ANKRD24: variants seen among roughly 807,000 people sequenced by gnomAD.
ANKRD24 encodes ankyrin repeat domain 24.
ANKRD24 carries 109 observed loss-of-function variants against 127.8 expected under a neutral mutation model. The observed-to-expected ratio is 0.85, with a 90% CI of 0.73 to 1.00. The LOEUF is 1.00. Ranked by LOEUF, ANKRD24 falls within the 50% of genes least tolerant of loss-of-function variation. The pLI is 0.00. For synonymous variants in ANKRD24, 743 were observed against 671.1 expected, an observed-to-expected ratio of 1.11 and a Z score of -1.66; for missense variants, 1,648 against 1,570.2, an observed-to-expected ratio of 1.05 and a Z score of -0.84.
At position 4,208,773 on chromosome 19, in the gene ANKRD24, A is replaced by C. The variant is rs1969534304; in HGVS notation, c.842A>C (p.Glu281Ala). 17 of 1,613,070 alleles carry C rather than the reference A, an allele frequency of 1.1e-5. No individual in the cohort carries two copies. Among genetic ancestry groups the C allele is most frequent in the African/African-American group, 2.7e-5 (2 of 74,894 alleles). The change falls in exon 11 of 22, where the codon GAG becomes GCG. Residue 281 changes from glutamate to alanine, a missense_variant. Glu to Ala is a moderately radical substitution (Grantham distance 107). Transcript: ENST00000318934. ...TTCCCTCTCTCCCCAGCCCTCACAG[A>C]GGATGATTCAGGCGAGGCGTCATCT... ...QRPSPPSALT[E>A]DDSGEASSQN...
intron 20 of ANKRD24, among the ~76,000 whole-genome samples, chr19:4,223,887 C>G (rs149572801): frequency 6.6e-6 from 1 of 151,842 alleles, no homozygotes; most frequent in African/African-American, 2.4e-5. Context: ...TTAGTAGAGA[C>G]GGGATTTTAC....
rs747039705 is a variant in ANKRD24 at position 4,210,014 on chromosome 19, C to T, written c.871-44C>T. ...TTTACTGTGGGGGAGGCTGGCATGGCCCCCCGATCGGCCCCCTTCACTCTC... is the reference window on the plus strand; with the variant it reads ...TTTACTGTGGGGGAGGCTGGCATGGTCCCCCGATCGGCCCCCTTCACTCTC... On this transcript the variant is annotated intron_variant, in intron 11 of 21. Transcript: ENST00000318934. 7.6e-6 allele frequency: 9 copies of T among 1,183,218 alleles called. No homozygotes were observed. The African/African-American group carries it at 1.1e-4, about 14-fold the overall frequency. The allele number at this position is 1,183,218 out of a possible 1,614,324, so 73.3% of individuals were successfully genotyped here. A position where few individuals can be genotyped will look rare whatever the true frequency, so the allele number is the denominator to read the frequency against.
intron 2 of ANKRD24, among the ~76,000 whole-genome samples, chr19:4,193,362 A>G (rs1968496213): frequency 6.6e-6 from 1 of 151,766 alleles, no homozygotes; most frequent in Admixed American, 6.6e-5. Context: ...CTGTCAGAGA[A>G]GGGCTCTTGG....
Position 4,198,463 on chromosome 19 carries a change from TGCGCCCCCCGCGCCCC to T in ANKRD24, c.37-1212_37-1197del. The T allele has an allele frequency of 3.2e-6, 2 of 616,298 alleles. No individual in the cohort carries two copies. Among genetic ancestry groups the T allele is most frequent in the Non-Finnish European group, 5.8e-6 (2 of 342,832 alleles). The allele number at this position is 616,298 out of a possible 1,614,324, so 38.2% of individuals were successfully genotyped here. Reference sequence around the variant, plus strand: ...GCCGCCGCCTCCTCTTGGAACCCCGTGCGCCCCCCGCGCCCCGCGCCCCGGACGCCATGAAGCAGCT... The same window carrying T: ...GCCGCCGCCTCCTCTTGGAACCCCGTGCGCCCCGGACGCCATGAAGCAGCT... On this transcript the variant is annotated intron_variant, in intron 2 of 21. Coordinates refer to ENST00000318934, the MANE Select transcript of ANKRD24 (RefSeq NM_001393985.1). The surrounding 1 kb of genome is among the most constrained non-coding windows in gnomAD (Gnocchi z 6.1).
rs965983845 is a variant in ANKRD24 at position 4,224,691 on chromosome 19, C to T, written c.*186C>T. 11 of 629,364 alleles carry T rather than the reference C, an allele frequency of 1.7e-5. No homozygotes were observed. The highest frequency in any genetic ancestry group is 1.5e-4 in the African/African-American group (8 of 55,144). 39.0% of individuals were successfully genotyped at this position (629,364 alleles called of 1,614,324 possible). A position where few individuals can be genotyped will look rare whatever the true frequency, so the allele number is the denominator to read the frequency against. ...TCCATCACCCCACCTGGTCTCTGCACGCACACACTGGTCAGTCTGGACCCG... is the reference window on the plus strand; with the variant it reads ...TCCATCACCCCACCTGGTCTCTGCATGCACACACTGGTCAGTCTGGACCCG... On this transcript the variant is annotated 3_prime_UTR_variant, in exon 22 of 22. Coordinates refer to ENST00000318934, the MANE Select transcript of ANKRD24 (RefSeq NM_001393985.1).
chr19:4,186,571 T>C (rs1968076592), intron 2 of ANKRD24, 110 bp downstream of exon 2: 1 of 1,267,306 alleles, frequency 7.9e-7, no homozygotes, highest in African/African-American at 1.5e-5. Context: ...CTCTTCTCCT[T>C]TCCTCTCTGC....
intron 2 of ANKRD24, among the ~76,000 whole-genome samples, chr19:4,193,941 C>T (rs1482467335): frequency 6.6e-6 from 1 of 151,464 alleles, no homozygotes; most frequent in Non-Finnish European, 1.5e-5. Flanking sequence ...TGGGGCTGCT[C>T]AGAGAAGGGT....
intron 10 of ANKRD24, among the ~76,000 whole-genome samples, 168 bp downstream of exon 10, chr19:4,208,136 T>A (rs566627945): frequency 2.0e-5 from 3 of 152,202 alleles, no homozygotes; most frequent in Admixed American, 2.0e-4. Flanking sequence ...CCAGGGCATT[T>A]AGAGTAGTCT....
Position 4,199,825 on chromosome 19 carries a change from A to G in ANKRD24, c.124-50A>G. The G allele has an allele frequency of 6.5e-7, 1 of 1,537,250 alleles. No individual in the cohort carries two copies. On this transcript the variant is annotated intron_variant, in intron 3 of 21. Transcript: ENST00000318934. This position sits in a 1 kb window ranked among gnomAD's most constrained non-coding sequence, Gnocchi z 5.2. The stretch of plus-strand genomic sequence containing the variant: ...CGGAGCCCCTGTCGGGGGCGTGGGG[A>G]GGGGACAGCAGCCAACACTGCCCCA...
At chr19:4,184,314 G>A (rs1030941748) in intron 1 of ANKRD24, among the ~76,000 whole-genome samples, 3 of 152,200 alleles carry the variant, frequency 2.0e-5, no homozygotes, top group African/African-American at 7.2e-5. Flanking sequence ...GGAGGTAGGG[G>A]AGGAAGGAGG....
At chr19:4,207,132 C>G (rs557306341) in intron 7 of ANKRD24, 110 bp from the exon 8 acceptor site, 1 of 772,560 alleles carries the variant, frequency 1.3e-6, no homozygotes, top group Admixed American at 2.1e-5. Context: ...TGTGTTGGCC[C>G]AGGTTGGTCT....
chr19:4,203,616 T>C (rs766707894), intron 7 of ANKRD24, among the ~76,000 whole-genome samples: 9 of 152,192 alleles, frequency 5.9e-5, no homozygotes, highest in Non-Finnish European at 1.3e-4. Flanking sequence ...CTCAAAGTGC[T>C]GGAATTACAG....
rs145057780 is a variant in ANKRD24, at chr19:4,198,789, G to A, written c.37-894G>A. Among the ~76,000 whole-genome samples, 3,027 of 152,286 alleles carry A rather than the reference G, an allele frequency of 0.02. 57 individuals are homozygous for A. The highest frequency in any genetic ancestry group is 0.028 in the Non-Finnish European group (1,936 of 68,006). ...ATTTAGGAACATTTAGAGGGCATTG[G>A]GGGGTGCAGTTTTGGGAAAACATTT... On this transcript the variant is annotated intron_variant, in intron 2 of 21. Transcript: ENST00000318934. The surrounding 1 kb of genome is among the most constrained non-coding windows in gnomAD (Gnocchi z 6.1).
In ANKRD24 at chr19:4,216,805, T is replaced by C. The variant is rs1970103400; in HGVS notation, c.1645T>C (p.Ser549Pro). 2 of 1,603,574 alleles carry C rather than the reference T, an allele frequency of 1.2e-6. No homozygotes were observed. The highest frequency in any genetic ancestry group is 3.4e-5 in the Admixed American group (2 of 58,052). The change falls in exon 18 of 22, where the codon TCA becomes CCA. Residue 549 changes from serine to proline, a missense_variant. Ser to Pro is a moderately conservative substitution (Grantham distance 74, BLOSUM62 -1). Coordinates refer to ENST00000318934, the MANE Select transcript of ANKRD24 (RefSeq NM_001393985.1). ...NGPTHMELNGSVAPETKVNGA... is the reference protein window; with the variant it reads ...NGPTHMELNGPVAPETKVNGA... Reference sequence around the variant, plus strand: ...GCCAACCCACATGGAGCTAAATGGCTCAGTGGCTCCAGAAACCAAAGTTAA... The same window carrying C: ...GCCAACCCACATGGAGCTAAATGGCCCAGTGGCTCCAGAAACCAAAGTTAA...
intron 18 of ANKRD24, 32 bp downstream of exon 18, chr19:4,218,195 C>G: frequency 7.1e-7 from 1 of 1,410,788 alleles, no homozygotes; most frequent in Non-Finnish European, 9.3e-7. Context: ...CCGGGCCCCA[C>G]CCCCATTGGC....
At chr19:4,219,128 A>G (rs1970304801) in intron 18 of ANKRD24, among the ~76,000 whole-genome samples, 1 of 152,072 alleles carries the variant, frequency 6.6e-6, no homozygotes, top group African/African-American at 2.4e-5. Context: ...TCTACTAAAA[A>G]TACAAAAATT....
In ANKRD24 at chr19:4,216,820, A is replaced by G. The variant is rs780999959; in HGVS notation, c.1660A>G (p.Thr554Ala). Residue 554 changes from threonine (T) to alanine (A), a missense_variant, in exon 18 of 22, where the codon ACC becomes GCC. By Grantham distance (58) the Thr-to-Ala change is moderately conservative (BLOSUM62 0). Transcript: ENST00000318934. ...GCTAAATGGCTCAGTGGCTCCAGAA[A>G]CCAAAGTTAACGGAGCCGAGACCAT... Reference protein sequence around the residue: ...MELNGSVAPETKVNGAETIDE... With the variant: ...MELNGSVAPEAKVNGAETIDE... 6.1e-5 allele frequency: 98 copies of G among 1,607,404 alleles called. No homozygotes were observed. The highest frequency in any genetic ancestry group is 8.0e-5 in the Non-Finnish European group (94 of 1,177,280).
At chr19:4,191,299 C>T (rs1190185415) in intron 2 of ANKRD24, among the ~76,000 whole-genome samples, 1 of 89,014 alleles carries the variant, frequency 1.1e-5, no homozygotes, top group Non-Finnish European at 2.3e-5. Context: ...AGCAAACACC[C>T]ATGACTGCAG....
chr19:4,221,759 G>C (rs756842357), intron 19 of ANKRD24, among the ~76,000 whole-genome samples: 6 of 152,134 alleles, frequency 3.9e-5, no homozygotes, highest in Admixed American at 3.9e-4. Flanking sequence ...GGGCAAAATT[G>C]CAGTTAGGAT....
Sources: allele counts gnomAD v4.1 joint callset (sites outside exome capture counted in the v4.1 genomes callset), GRCh38; gene constraint gnomAD v4.1.1; non-coding constraint Gnocchi (gnomAD v3.1); transcripts MANE v1.5; gene names NCBI Gene and HGNC (gene_info 2026-07-23, HGNC 2026-07-21).